Variants in HS3ST4 observed in about 807,000 individuals in gnomAD.
The protein encoded by HS3ST4 is heparan sulfate-glucosamine 3-sulfotransferase 4.
In HS3ST4, 17 loss-of-function variants were observed where a neutral mutation model predicts 29.2. The observed-to-expected ratio is 0.58, with a 90% CI of 0.40 to 0.87. The LOEUF is 0.87. Among genes scored for constraint, HS3ST4 ranks in the 40% least tolerant of loss-of-function variants. The probability of loss-of-function intolerance (pLI) is 0.00; values close to 1 mark genes in which losing one functional copy is unlikely to be tolerated. For synonymous variants in HS3ST4, 314 were observed against 285.7 expected, an observed-to-expected ratio of 1.10 and a Z score of -1.00; for missense variants, 627 against 634.5, an observed-to-expected ratio of 0.99 and a Z score of 0.13.
At chr16:26,042,289 G>A (rs8051825) in intron 1 of HS3ST4, among the ~76,000 whole-genome samples, 148,955 of 152,274 alleles carry the variant, frequency 0.98, 73,028 homozygotes, top group Middle Eastern at 1. Flanking sequence ...GTCTATTTCA[G>A]AATATTGAAA....
intron 1 of HS3ST4, among the ~76,000 whole-genome samples, chr16:25,963,671 G>C (rs944171904): frequency 6.6e-6 from 1 of 152,180 alleles, no homozygotes; most frequent in African/African-American, 2.4e-5. Context: ...TTGTAATGTT[G>C]GAGGCAAACG....
intron 1 of HS3ST4, among the ~76,000 whole-genome samples, chr16:25,816,593 A>G (rs1967094446): frequency 1.3e-5 from 2 of 152,242 alleles, no homozygotes. Flanking sequence ...AATCAGAACT[A>G]AGAGTATGAA....
At chr16:25,907,587 C>T (rs970003817) in intron 1 of HS3ST4, among the ~76,000 whole-genome samples, 3 of 152,134 alleles carry the variant, frequency 2.0e-5, no homozygotes, top group Non-Finnish European at 4.4e-5. Context: ...TCAAAGCACA[C>T]AAAGTGAAGT....
intron 1 of HS3ST4, among the ~76,000 whole-genome samples, chr16:26,002,594 G>C (rs1408053771): frequency 6.6e-6 from 1 of 151,318 alleles, no homozygotes; most frequent in Admixed American, 6.6e-5. Flanking sequence ...GTGGCGGAGC[G>C]AGACACTGCC....
intron 1 of HS3ST4, among the ~76,000 whole-genome samples, chr16:26,048,310 A>G (rs562949518): frequency 6.6e-6 from 1 of 152,352 alleles, no homozygotes; most frequent in Non-Finnish European, 1.5e-5. Context: ...TCAGTCTATA[A>G]TAGTCTAGAG....
intron 1 of HS3ST4, among the ~76,000 whole-genome samples, chr16:25,769,000 T>C (rs1452770807): frequency 6.6e-6 from 1 of 152,106 alleles, no homozygotes; most frequent in Admixed American, 6.5e-5. Context: ...ACTGATGTGG[T>C]CTTTCTGGCA....
chr16:25,895,587 C>T lies in HS3ST4; in HGVS notation c.734+202436C>T, dbSNP rs115740105. The stretch of plus-strand genomic sequence containing the variant: ...CTGTAACTGGATGCTGTGGACTGGG[C>T]GCCTTCACCAGCAAGGATTTATGTC... On this transcript the variant is annotated intron_variant, in intron 1 of 1. Transcript: ENST00000331351. Among the ~76,000 whole-genome samples, 897 of 152,016 alleles carry T rather than the reference C, an allele frequency of 5.9e-3. 9 individuals are homozygous for T. Among genetic ancestry groups the T allele is most frequent in the African/African-American group, 0.021 (872 of 41,464 alleles).
chr16:26,085,311 G>A (rs1002603765), intron 1 of HS3ST4, among the ~76,000 whole-genome samples: 1 of 152,160 alleles, frequency 6.6e-6, no homozygotes. Flanking sequence ...GTTCATTTGT[G>A]TATTCATTCA....
At chr16:25,800,582 A>G (rs1966923673) in intron 1 of HS3ST4, among the ~76,000 whole-genome samples, 2 of 152,206 alleles carry the variant, frequency 1.3e-5, no homozygotes, top group Admixed American at 1.3e-4. Flanking sequence ...GACCATGATT[A>G]TAAACAATTT....
chr16:26,101,181 CT>C lies in HS3ST4; in HGVS notation c.735-34430del, dbSNP rs1316852891. 5.8e-4 allele frequency among the ~76,000 whole-genome samples: 88 copies of C among 151,880 alleles called. 1 individual carries two copies. The highest frequency in any genetic ancestry group is 4.4e-5 in the Non-Finnish European group (3 of 67,924). ...CCCTTCAGCAGGCTTCTGGCTTCTGCTCTCAACCCTACTCCTTTGCCCTCCA... is the reference window on the plus strand; with the variant it reads ...CCCTTCAGCAGGCTTCTGGCTTCTGCCTCAACCCTACTCCTTTGCCCTCCA... On this transcript the variant is annotated intron_variant, in intron 1 of 1. Transcript: ENST00000331351.
intron 1 of HS3ST4, among the ~76,000 whole-genome samples, chr16:25,956,539 A>G (rs1378416831): frequency 2.6e-5 from 4 of 152,230 alleles, no homozygotes; most frequent in Admixed American, 6.5e-5. Flanking sequence ...TTCCAGTGAT[A>G]TGATCTTATA....
chr16:25,939,419 C>A (rs1393802899), intron 1 of HS3ST4, among the ~76,000 whole-genome samples: 1 of 151,706 alleles, frequency 6.6e-6, no homozygotes, highest in Non-Finnish European at 1.5e-5. Flanking sequence ...GTCACCACAA[C>A]CTCCGCCTCC....
chr16:25,873,480 CTCTATCTATCTATCTA>C (rs1157206082), intron 1 of HS3ST4, among the ~76,000 whole-genome samples: 3 of 69,872 alleles, frequency 4.3e-5, no homozygotes, highest in African/African-American at 1.0e-4. Flanking sequence ...CCATCTATCT[CTCTATCTATCTATCTA>C]TCTATCTATC....
intron 1 of HS3ST4, among the ~76,000 whole-genome samples, chr16:25,701,124 T>C (rs900903779): frequency 2.6e-5 from 4 of 152,248 alleles, no homozygotes; most frequent in Non-Finnish European, 5.9e-5. Context: ...TGTTTGTCTC[T>C]ACCTGGCTTC....
chr16:25,848,160 A>G (rs973741726), intron 1 of HS3ST4, among the ~76,000 whole-genome samples: 35 of 151,986 alleles, frequency 2.3e-4, no homozygotes, highest in African/African-American at 7.0e-4. Flanking sequence ...ATTTTTTGAG[A>G]CAGAGTCTTG....
chr16:25,856,637 A>C (rs1967576586), intron 1 of HS3ST4, among the ~76,000 whole-genome samples: 1 of 152,216 alleles, frequency 6.6e-6, no homozygotes, highest in Non-Finnish European at 1.5e-5. Flanking sequence ...CACTAACAAC[A>C]GATAATGAGC....
chr16:25,752,939 C>G (rs1448848086), intron 1 of HS3ST4, among the ~76,000 whole-genome samples: 1 of 152,160 alleles, frequency 6.6e-6, no homozygotes, highest in Non-Finnish European at 1.5e-5. Context: ...GAGGGAGTGT[C>G]GTATTGCAGG....
chr16:26,108,536 A>G (rs1004215306), intron 1 of HS3ST4, among the ~76,000 whole-genome samples: 15 of 152,218 alleles, frequency 9.9e-5, no homozygotes, highest in Admixed American at 6.5e-5. Flanking sequence ...GAGTGGACTT[A>G]TTGGAATCCT....
At chr16:25,941,319 C>A (rs747637608) in intron 1 of HS3ST4, among the ~76,000 whole-genome samples, 7 of 152,010 alleles carry the variant, frequency 4.6e-5, no homozygotes, top group Non-Finnish European at 8.8e-5. Flanking sequence ...ATGACCACAT[C>A]TGGCTAATTT....
Sources: gnomAD v4.1 joint callset for allele counts (sites outside exome capture counted in the v4.1 genomes callset) on GRCh38, gnomAD v4.1.1 for gene constraint, MANE v1.5 for transcripts, NCBI Gene and HGNC (gene_info 2026-07-23, HGNC 2026-07-21) for gene names.